Variants in IKBIP observed in about 807,000 individuals in gnomAD.
The protein encoded by IKBIP is IKBKB interacting protein.
A neutral mutation model predicts 31.0 loss-of-function variants in IKBIP; 28 were observed. The ratio of observed to expected loss-of-function variants is 0.90; its 90% confidence interval spans 0.67 to 1.24. IKBIP has a LOEUF of 1.24. Ranked by LOEUF, IKBIP falls within the 50% of genes most tolerant of loss-of-function variation. The pLI, the probability that IKBIP is intolerant of heterozygous loss-of-function variation, is 0.00. For missense variants in IKBIP, 453 were observed against 441.9 expected (o/e 1.03, Z -0.23); for synonymous variants, 164 against 160.3 (o/e 1.02, Z -0.17).
intron 2 of IKBIP, among the ~76,000 whole-genome samples, chr12:98,632,258 C>T (rs2153298977): frequency 6.6e-6 from 1 of 151,278 alleles, no homozygotes; most frequent in South Asian, 2.1e-4. Context: ...CATTTGAGGC[C>T]AGGAGTTTGA....
intron 1 of IKBIP, among the ~76,000 whole-genome samples, chr12:98,634,710 CTTTTT>C (rs552233683): frequency 7.6e-6 from 1 of 131,876 alleles, no homozygotes; most frequent in Non-Finnish European, 1.6e-5. Context: ...GGTCTTTAGC[CTTTTT>C]TTTTTTTTTT....
At chr12:98,634,529 T>G in intron 1 of IKBIP, 116 bp from the exon 2 acceptor site, 1 of 554,758 alleles carries the variant, frequency 1.8e-6, no homozygotes. Flanking sequence ...TATGGGTAGC[T>G]GTAGGTTTTT....
At chr12:98,640,868 C>T (rs2097629767) in intron 1 of IKBIP, among the ~76,000 whole-genome samples, 1 of 151,874 alleles carries the variant, frequency 6.6e-6, no homozygotes, top group African/African-American at 2.4e-5. Flanking sequence ...CTCAAGCAAT[C>T]CTCCAACCTC....
chr12:98,620,696 A>C (rs144918491), downstream of IKBIP, among the ~76,000 whole-genome samples: 61 of 152,232 alleles, frequency 4.0e-4, no homozygotes, highest in African/African-American at 1.5e-3. Context: ...AGGACCTGGA[A>C]ATTTTATTGA....
intron 1 of IKBIP, 131 bp downstream of exon 1, chr12:98,644,392 G>A: frequency 1.2e-6 from 1 of 846,136 alleles, no homozygotes; most frequent in Non-Finnish European, 1.8e-6. Flanking sequence ...TTCCTTTGGG[G>A]TCAAGACAGA....
downstream of IKBIP, among the ~76,000 whole-genome samples, chr12:98,623,424 T>C (rs1220664958): frequency 1.4e-5 from 2 of 145,378 alleles, no homozygotes; most frequent in East Asian, 3.9e-4. Flanking sequence ...TTTTGACTTT[T>C]AGTAGACATG....
exon 3 of IKBIP, chr12:98,613,559 C>T (rs1467795012): frequency 2.4e-6 from 3 of 1,246,704 alleles, no homozygotes; most frequent in African/African-American, 3.1e-5. Flanking sequence ...AAAAAATTAC[C>T]TTAGTCTAAT....
chr12:98,643,509 A>G (rs1381054283), intron 1 of IKBIP, among the ~76,000 whole-genome samples: 1 of 152,176 alleles, frequency 6.6e-6, no homozygotes, highest in Non-Finnish European at 1.5e-5. Flanking sequence ...AAAGGCTGGG[A>G]AAATAAAATT....
chr12:98,627,279 TA>T (rs11412272), intron 2 of IKBIP, among the ~76,000 whole-genome samples: 2,103 of 142,658 alleles, frequency 0.015, 26 homozygotes, highest in African/African-American at 0.038. Flanking sequence ...AGCACTATGT[TA>T]AAAAAAAAAA....
chr12:98,636,211 G>T (rs1378765919), intron 1 of IKBIP, among the ~76,000 whole-genome samples: 2 of 152,188 alleles, frequency 1.3e-5, no homozygotes, highest in African/African-American at 2.4e-5. Context: ...GCTACATATT[G>T]TAATAACCTG....
intron 2 of IKBIP, among the ~76,000 whole-genome samples, chr12:98,629,183 C>T (rs2097617597): frequency 6.6e-6 from 1 of 152,174 alleles, no homozygotes; most frequent in Admixed American, 6.6e-5. Context: ...TCTAGGTCCA[C>T]CCCAATCAAG....
chr12:98,624,230 A>G, downstream of IKBIP: 2 of 950,858 alleles, frequency 2.1e-6, no homozygotes, highest in Non-Finnish European at 2.5e-6. Context: ...GATGGAGGTT[A>G]AAACAACAAA....
downstream of IKBIP, among the ~76,000 whole-genome samples, chr12:98,622,074 T>TA (rs397850941): frequency 0.085 from 11,254 of 132,198 alleles, 608 homozygotes; most frequent in East Asian, 0.21. Flanking sequence ...GACTCCATCT[T>TA]AAAAAAAAAA....
intron 2 of IKBIP, among the ~76,000 whole-genome samples, chr12:98,628,496 A>G (rs940001832): frequency 1.3e-5 from 2 of 152,106 alleles, no homozygotes; most frequent in Non-Finnish European, 1.5e-5. Context: ...ATTTAGTTAC[A>G]TTGTCCTTAC....
intron 1 of IKBIP, among the ~76,000 whole-genome samples, chr12:98,636,309 G>A (rs2097625715): frequency 6.6e-6 from 1 of 152,196 alleles, no homozygotes; most frequent in Admixed American, 6.5e-5. Context: ...AAACTCAACA[G>A]CTTCTCAGGT....
chr12:98,632,534 T>A (rs1449732768), intron 2 of IKBIP, among the ~76,000 whole-genome samples: 9 of 91,520 alleles, frequency 9.8e-5, no homozygotes, highest in South Asian at 4.1e-4. Flanking sequence ...TATATATATA[T>A]ATATATATAT....
intron 2 of IKBIP, among the ~76,000 whole-genome samples, chr12:98,629,425 G>A (rs994237404): frequency 6.6e-6 from 1 of 151,998 alleles, no homozygotes; most frequent in African/African-American, 2.4e-5. Flanking sequence ...TGGGCATGGT[G>A]GTGTGCGCCT....
At chr12:98,639,684 A>G (rs1175970939) in intron 1 of IKBIP, among the ~76,000 whole-genome samples, 1 of 152,202 alleles carries the variant, frequency 6.6e-6, no homozygotes, top group Non-Finnish European at 1.5e-5. Flanking sequence ...GGAACGTTAA[A>G]TGGTGGCAGA....
At chr12:98,620,462 T>C (rs35897309), downstream of IKBIP, among the ~76,000 whole-genome samples, 1 of 150,530 alleles carries the variant, frequency 6.6e-6, no homozygotes, top group Admixed American at 6.6e-5. Context: ...TGCCTCCTGG[T>C]TTCAAGAGAT....
Sources: allele counts gnomAD v4.1 joint callset (sites outside exome capture counted in the v4.1 genomes callset), GRCh38; gene constraint gnomAD v4.1.1; transcripts MANE v1.5; gene names NCBI Gene and HGNC (gene_info 2026-07-23, HGNC 2026-07-21).